SMUG1: variants seen among roughly 807,000 people sequenced by gnomAD.
SMUG1 encodes the protein single-strand selective monofunctional uracil DNA glycosylase.
In SMUG1, 13 loss-of-function variants were observed where a neutral mutation model predicts 23.9. That is an observed-to-expected ratio of 0.54 (90% confidence interval 0.35 to 0.86). The LOEUF (loss-of-function observed/expected upper bound fraction) is 0.86, where lower values mean the gene tolerates loss of function less well. Among genes scored for constraint, SMUG1 ranks in the 40% least tolerant of loss-of-function variants. The pLI, the probability that SMUG1 is intolerant of heterozygous loss-of-function variation, is 0.01. For missense variants in SMUG1, 313 were observed against 339.5 expected, an observed-to-expected ratio of 0.92 and a Z score of 0.61; for synonymous variants, 133 against 139.8, an observed-to-expected ratio of 0.95 and a Z score of 0.34.
intron 2 of SMUG1, among the ~76,000 whole-genome samples, chr12:54,185,748 C>T (rs1942306107): frequency 6.6e-6 from 1 of 151,922 alleles, no homozygotes. Context: ...ACCTGGGAGG[C>T]AGAGGTTGCA....
At chr12:54,184,979 C>T (rs1283452148) in intron 2 of SMUG1, among the ~76,000 whole-genome samples, 1 of 152,194 alleles carries the variant, frequency 6.6e-6, no homozygotes, top group Non-Finnish European at 1.5e-5. Context: ...GCCTGGCCAA[C>T]ATGGCGAAAC....
At chr12:54,171,864 G>A (rs1449464978) in intron 3 of SMUG1, among the ~76,000 whole-genome samples, 2 of 151,924 alleles carry the variant, frequency 1.3e-5, no homozygotes, top group Non-Finnish European at 2.9e-5. Context: ...CCATTGCTGT[G>A]GTCACTCGGG....
chr12:54,177,773 T>A (rs1380899597), downstream of SMUG1, among the ~76,000 whole-genome samples: 1 of 152,110 alleles, frequency 6.6e-6, no homozygotes, highest in African/African-American at 2.4e-5. Flanking sequence ...ATCAGCTACC[T>A]AAGCCCCTAG....
chr12:54,175,901 T>C (rs531325978), downstream of SMUG1, among the ~76,000 whole-genome samples: 27 of 152,146 alleles, frequency 1.8e-4, 1 homozygote, highest in South Asian at 5.6e-3. Flanking sequence ...TAAGCTATCC[T>C]GTATCAGTAA....
intron 3 of SMUG1, 139 bp from the exon 4 acceptor site, chr12:54,182,762 C>T (rs1476006597): frequency 6.9e-7 from 1 of 1,443,002 alleles, no homozygotes; most frequent in Non-Finnish European, 9.1e-7. Flanking sequence ...AGGCCTGAGA[C>T]AAGGATTCTT....
chr12:54,181,676 A>T lies in SMUG1; in HGVS notation c.*420T>A, dbSNP rs368638453. ...TGAGGAAAGGGGTCAGCTAAAGGTA[A>T]CTGTTCTATAAGGATGGGTAGGTAT... On this transcript the variant is annotated 3_prime_UTR_variant, in exon 4 of 4. Transcript: ENST00000682136. 5.8e-5 allele frequency: 91 copies of T among 1,581,768 alleles called. No homozygotes were observed. Among genetic ancestry groups the T allele is most frequent in the Middle Eastern group, 1.6e-4 (1 of 6,072 alleles).
intron 3 of SMUG1, among the ~76,000 whole-genome samples, chr12:54,165,875 C>T (rs759782181): frequency 1.1e-4 from 17 of 152,104 alleles, no homozygotes; most frequent in South Asian, 4.1e-4. Flanking sequence ...AAAGCCTCTT[C>T]GCCTACACCA....
intron 2 of SMUG1, among the ~76,000 whole-genome samples, chr12:54,174,720 C>G (rs112846604): frequency 0.01 from 1,564 of 152,342 alleles, 34 homozygotes; most frequent in African/African-American, 0.035. Context: ...GTTCTGGGCT[C>G]TCAGCCATCC....
intron 2 of SMUG1, chr12:54,174,994 A>C (rs984617572): frequency 4.6e-5 from 7 of 152,254 alleles, no homozygotes; most frequent in African/African-American, 1.7e-4. Flanking sequence ...AAAGCAATTC[A>C]TCTTCCCCCA....
chr12:54,179,607 G>C (rs939693351), downstream of SMUG1, among the ~76,000 whole-genome samples: 4 of 152,114 alleles, frequency 2.6e-5, no homozygotes, highest in African/African-American at 9.7e-5. Flanking sequence ...GCTAACTACA[G>C]GGAGTTAGTG....
intron 3 of SMUG1, 159 bp from the exon 4 acceptor site, chr12:54,182,782 G>A: frequency 7.3e-7 from 1 of 1,364,326 alleles, no homozygotes; most frequent in Non-Finnish European, 9.7e-7. Context: ...TGGCCCTATG[G>A]TTTGAGCCTG....
downstream of SMUG1, among the ~76,000 whole-genome samples, chr12:54,178,146 A>G (rs1017893123): frequency 6.6e-6 from 1 of 152,150 alleles, no homozygotes; most frequent in Non-Finnish European, 1.5e-5. Flanking sequence ...AGATCAAACC[A>G]TCTTGATCCT....
intron 3 of SMUG1, among the ~76,000 whole-genome samples, chr12:54,167,080 C>T (rs1313209525): frequency 6.6e-6 from 1 of 152,114 alleles, no homozygotes; most frequent in African/African-American, 2.4e-5. Context: ...ACTGGAATTG[C>T]CTGGAGGGTG....
At chr12:54,176,559 C>A (rs150676903), downstream of SMUG1, among the ~76,000 whole-genome samples, 1,384 of 148,284 alleles carry the variant, frequency 9.3e-3, 30 homozygotes, top group African/African-American at 0.032. Context: ...GTGATCCCAG[C>A]ACTTTGGGAG....
In SMUG1 at chr12:54,182,169, G is replaced by A; in HGVS notation, c.740C>T (p.Ala247Val). ...LLHPSPRNPQ[A>V]NKGWEAVAKE... ...GGCCACTGCCTCCCAGCCCTTGTTG[G>A]CCTGTGGGTTACGGGGAGAGGGATG... Residue 247 changes from alanine (A) to valine (V), a missense_variant, in exon 4 of 4, where the codon GCC becomes GTC. Coordinates refer to ENST00000682136, the MANE Select transcript of SMUG1 (RefSeq NM_001243787.2). The A allele has an allele frequency of 6.2e-7, 1 of 1,605,268 alleles. No homozygotes were observed. The highest frequency in any genetic ancestry group is 8.5e-7 in the Non-Finnish European group (1 of 1,174,568).
rs545171767 is a variant in SMUG1 at position 54,183,527 on chromosome 12, G to C, written c.285+129C>G. On this transcript the variant is annotated intron_variant, in intron 3 of 3. Transcript: ENST00000682136. ...GACCACAGGAGCCAGTATATGTGTT[G>C]AGACAGAATGGGGCGGGAGGACCTA... 168 of 923,892 alleles carry C rather than the reference G, an allele frequency of 1.8e-4. 2 individuals are homozygous for C. The South Asian group carries it at 2.4e-3, about 13-fold the overall frequency. The allele number at this position is 923,892 out of a possible 1,614,324, so 57.2% of individuals were successfully genotyped here.
intron 3 of SMUG1, chr12:54,182,984 A>T: frequency 4.2e-6 from 1 of 235,950 alleles, no homozygotes. Context: ...AGGAGGCACA[A>T]GGATGGGCTG....
At chr12:54,172,369 C>T (rs549130332) in intron 2 of SMUG1, 2 of 259,028 alleles carry the variant, frequency 7.7e-6, no homozygotes, top group African/African-American at 4.4e-5. Flanking sequence ...AGCCGGGAAA[C>T]TCTTACCCGG....
rs1941156079 is a variant in SMUG1, at chr12:54,181,937, C to A, written c.*159G>T. 1 of 1,469,114 alleles carries A rather than the reference C, an allele frequency of 6.8e-7. No individual in the cohort carries two copies. Among genetic ancestry groups the A allele is most frequent in the East Asian group, 2.4e-5 (1 of 42,094 alleles). 91.0% of individuals were successfully genotyped at this position (1,469,114 alleles called of 1,614,324 possible). A position where few individuals can be genotyped will look rare whatever the true frequency, so the allele number is the denominator to read the frequency against. The stretch of plus-strand genomic sequence containing the variant: ...AGGAGTAGTGTCAAAACTGCCATGG[C>A]AGGTTGGAAGACAGTTCAACAGATC... On this transcript the variant is annotated 3_prime_UTR_variant, in exon 4 of 4. Transcript: ENST00000682136.
Sources: gnomAD v4.1 joint callset for allele counts (sites outside exome capture counted in the v4.1 genomes callset) on GRCh38, gnomAD v4.1.1 for gene constraint, MANE v1.5 for transcripts, NCBI Gene and HGNC (gene_info 2026-07-23, HGNC 2026-07-21) for gene names.